Variants in GFM1 observed in about 807,000 individuals in gnomAD.
GFM1 encodes elongation factor G, mitochondrial.
Under a neutral mutation model 96.2 loss-of-function variants are expected in GFM1, and 62 were observed. That is an observed-to-expected ratio of 0.64 (90% CI 0.53 to 0.80). The LOEUF is 0.80. Ranked by LOEUF, GFM1 falls within the 30% of genes least tolerant of loss-of-function variation. The pLI is 0.00. For synonymous variants in GFM1, 282 were observed against 312.9 expected (o/e 0.90, Z 1.04); for missense variants, 852 against 916.6 (o/e 0.93, Z 0.91).
Position 158,644,565 on chromosome 3 carries a change from T to C in GFM1, c.-70T>C. The stretch of plus-strand genomic sequence containing the variant: ...TGGCTGCCGGCGTGACTTTGACCGC[T>C]TCCCGGTGCGTTACCGGCAGCTGAA... On this transcript the variant is annotated 5_prime_UTR_variant, in exon 1 of 18. Transcript: ENST00000486715. The C allele has an allele frequency of 7.6e-7, 1 of 1,316,704 alleles. No homozygotes were observed. The highest frequency in any genetic ancestry group is 1.1e-6 in the Non-Finnish European group (1 of 936,902). The allele number at this position is 1,316,704 out of a possible 1,614,324, so 81.6% of individuals were successfully genotyped here.
intron 3 of GFM1, 111 bp downstream of exon 3, chr3:158,646,408 A>T: frequency 8.9e-7 from 1 of 1,123,874 alleles, no homozygotes; most frequent in South Asian, 1.4e-5. Flanking sequence ...AAAGTGTAAC[A>T]CTGAATTCCT....
At chr3:158,653,109 A>C (rs1324235292) in intron 6 of GFM1, among the ~76,000 whole-genome samples, 1 of 152,122 alleles carries the variant, frequency 6.6e-6, no homozygotes, top group Non-Finnish European at 1.5e-5. Flanking sequence ...ATAGTAAATC[A>C]CTTCCCAGCC....
At chr3:158,666,609 AT>A in intron 13 of GFM1, 1 of 1,560,908 alleles carries the variant, frequency 6.4e-7, no homozygotes, top group African/African-American at 1.4e-5. Context: ...ATACACATCA[AT>A]AGACATGTTT....
At chr3:158,661,503 G>C (rs972595069) in intron 10 of GFM1, among the ~76,000 whole-genome samples, 2 of 152,180 alleles carry the variant, frequency 1.3e-5, no homozygotes, top group Non-Finnish European at 2.9e-5. Context: ...TGCAACTACA[G>C]AGTCTGACTT....
chr3:158,673,508 C>CTTTTTTTTTTTTTTTTTTTTTT (rs766011688), intron 13 of GFM1, among the ~76,000 whole-genome samples: 21 of 114,242 alleles, frequency 1.8e-4, no homozygotes, highest in African/African-American at 3.2e-4. Flanking sequence ...CTTTTCTTTT[C>CTTTTTTTTTTTTTTTTTTTTTT]TTTTTTTTTT....
rs536285807 is a variant in GFM1, at chr3:158,646,397, A to G, written c.367+100A>G. On this transcript the variant is annotated intron_variant, in intron 3 of 17. Transcript: ENST00000486715. ...ATTAGTTTTTGATTGTCAAATACTC[A>G]AAAGTGTAACACTGAATTCCTATTA... The G allele has an allele frequency of 3.5e-5, 44 of 1,240,166 alleles. No individual in the cohort carries two copies. In the African/African-American group the frequency reaches 6.1e-4, roughly 17 times the overall value. The allele number at this position is 1,240,166 out of a possible 1,614,324, so 76.8% of individuals were successfully genotyped here. A position where few individuals can be genotyped will look rare whatever the true frequency, so the allele number is the denominator to read the frequency against.
intron 8 of GFM1, 68 bp from the exon 9 acceptor site, chr3:158,658,854 T>C (rs1431771482): frequency 6.4e-7 from 1 of 1,553,034 alleles, no homozygotes; most frequent in Non-Finnish European, 8.9e-7. Flanking sequence ...GTTATGAAGC[T>C]TTCCTCAATA....
In GFM1 at chr3:158,658,998, C is replaced by G; in HGVS notation, c.1160C>G (p.Thr387Arg). 4 of 1,614,132 alleles carry G rather than the reference C, an allele frequency of 2.5e-6. No individual in the cohort carries two copies. Among genetic ancestry groups the G allele is most frequent in the Non-Finnish European group, 3.4e-6 (4 of 1,179,992 alleles). Residue 387 changes from threonine (T) to arginine (R), a missense_variant, in exon 9 of 18, where the codon ACA becomes AGA. By Grantham distance (71) the Thr-to-Arg change is moderately conservative. Transcript: ENST00000486715. ...ELKKGDTIYN[T>R]RTRKKVRLQR... ...AAGAAGGGTGACACCATCTATAACA[C>G]AAGGACAAGAAAGAAAGTACGGTTG...
chr3:158,653,968 G>A (rs767885277), intron 7 of GFM1, among the ~76,000 whole-genome samples: 127 of 152,124 alleles, frequency 8.3e-4, no homozygotes, highest in Middle Eastern at 3.4e-3. Flanking sequence ...CTACCCAGGA[G>A]GCTGAGGCAG....
Position 158,646,950 on chromosome 3 carries a change from A to C in GFM1, c.572+3A>C. On this transcript the variant is annotated splice_donor_region_variant and intron_variant, in intron 4 of 17. Coordinates refer to ENST00000486715, the MANE Select transcript of GFM1 (RefSeq NM_024996.7). ...GCCAGGGCCCTGCAGCAAATGAGGT[A>C]ATGAGCCTTAGAATAAACAAAGAGG... The C allele has an allele frequency of 6.2e-7, 1 of 1,611,502 alleles. No individual in the cohort carries two copies. Among genetic ancestry groups the C allele is most frequent in the Non-Finnish European group, 8.5e-7 (1 of 1,177,562 alleles).
intron 14 of GFM1, chr3:158,682,397 T>A (rs1183534903): frequency 4.2e-6 from 2 of 480,010 alleles, no homozygotes; most frequent in Non-Finnish European, 7.5e-6. Context: ...ATAGTTATAT[T>A]TTTCTTAATA....
intron 4 of GFM1, among the ~76,000 whole-genome samples, chr3:158,647,498 CAG>C (rs1272486671): frequency 3.3e-5 from 5 of 152,132 alleles, no homozygotes; most frequent in African/African-American, 4.8e-5. Context: ...TAAAAAGAGT[CAG>C]AATTTCACTT....
intron 12 of GFM1, 114 bp from the exon 13 acceptor site, chr3:158,666,190 A>ATT (rs1723658114): frequency 1.3e-6 from 1 of 748,130 alleles, no homozygotes; most frequent in South Asian, 1.6e-5. Context: ...ATGATTTAAG[A>ATT]TTTGTTTATC....
rs1721577371 is a variant in GFM1 at position 158,644,574 on chromosome 3, C to G, written c.-61C>G. Reference sequence around the variant, plus strand: ...GCGTGACTTTGACCGCTTCCCGGTGCGTTACCGGCAGCTGAACCCACCCGG... The same window carrying G: ...GCGTGACTTTGACCGCTTCCCGGTGGGTTACCGGCAGCTGAACCCACCCGG... On this transcript the variant is annotated 5_prime_UTR_variant, in exon 1 of 18. Transcript: ENST00000486715. 2.9e-6 allele frequency: 4 copies of G among 1,377,174 alleles called. No homozygotes were observed. In the African/African-American group the frequency reaches 5.8e-5, roughly 20 times the overall value. The allele number at this position is 1,377,174 out of a possible 1,614,324, so 85.3% of individuals were successfully genotyped here.
In GFM1 at chr3:158,645,631, T is replaced by C; in HGVS notation, c.84T>C (p.Val28=). ...TTGAGCTCTCGTATTTTTTTCAGGT[T>C]AATTGGAAGGCCTGCCGATGGTCTT... is the stretch of plus-strand genomic sequence containing the variant. ...PASLGWQRKQ[V]NWKACRWSSS... The change falls in exon 2 of 18, where the codon GTT becomes GTC. Residue 28 remains valine (V), a splice_region_variant and synonymous_variant. Transcript: ENST00000486715. 1 of 1,612,268 alleles carries C rather than the reference T, an allele frequency of 6.2e-7. No individual in the cohort carries two copies. The highest frequency in any genetic ancestry group is 8.5e-7 in the Non-Finnish European group (1 of 1,178,332).
At chr3:158,682,351 TGTGACA>T in intron 14 of GFM1, 194 bp downstream of exon 14, 4 of 567,252 alleles carry the variant, frequency 7.1e-6, no homozygotes, top group Non-Finnish European at 1.3e-5. Flanking sequence ...AAATCCATGC[TGTGACA>T]ATGATGGGAA....
intron 15 of GFM1, chr3:158,685,213 A>ACT (rs1484883545): frequency 7.1e-5 from 11 of 154,090 alleles, no homozygotes; most frequent in Non-Finnish European, 1.4e-4. Context: ...ATGCTGATGA[A>ACT]CTAGAACCTT....
intron 8 of GFM1, chr3:158,656,850 T>A (rs1722807145): frequency 6.6e-6 from 1 of 152,256 alleles, no homozygotes; most frequent in African/African-American, 2.4e-5. Flanking sequence ...TTGGCTCCTG[T>A]GTTCCTTTAA....
At chr3:158,645,089 A>T (rs898974582) in intron 1 of GFM1, among the ~76,000 whole-genome samples, 3 of 149,398 alleles carry the variant, frequency 2.0e-5, no homozygotes, top group Non-Finnish European at 4.4e-5. Flanking sequence ...TCTAATAGGG[A>T]TCCCCATCCC....
Sources: gnomAD v4.1 joint callset for allele counts (sites outside exome capture counted in the v4.1 genomes callset) on GRCh38, gnomAD v4.1.1 for gene constraint, MANE v1.5 for transcripts, NCBI Gene and HGNC (gene_info 2026-07-23, HGNC 2026-07-21) for gene names.